The following KIAA0825 variants were observed in gnomAD, a reference collection of about 807,000 sequenced individuals.
KIAA0825 encodes KIAA0825.
KIAA0825 carries 119 observed loss-of-function variants against 147.6 expected under a neutral mutation model. The observed-to-expected ratio is 0.81, with a 90% CI of 0.69 to 0.94. The LOEUF (loss-of-function observed/expected upper bound fraction) is 0.94. Among genes scored for constraint, KIAA0825 ranks in the 40% least tolerant of loss-of-function variants. The pLI, the probability that KIAA0825 is intolerant of heterozygous loss-of-function variation, is 0.00. For synonymous variants in KIAA0825, 470 were observed against 518.1 expected, an observed-to-expected ratio of 0.91 and a Z score of 1.26; for missense variants, 1,381 against 1,472.7, an observed-to-expected ratio of 0.94 and a Z score of 1.02.
At chr5:94,560,661 C>T (rs1047797632) in intron 2 of KIAA0825, among the ~76,000 whole-genome samples, 5 of 152,152 alleles carry the variant, frequency 3.3e-5, no homozygotes, top group African/African-American at 1.2e-4. Flanking sequence ...TAAATGGTCA[C>T]CAAGTTCTTG....
intron 20 of KIAA0825, among the ~76,000 whole-genome samples, chr5:94,291,687 A>G (rs1306549572): frequency 1.3e-5 from 2 of 152,146 alleles, no homozygotes; most frequent in Non-Finnish European, 2.9e-5. Context: ...CATTGAATCT[A>G]TAAATTACTT....
intron 5 of KIAA0825, among the ~76,000 whole-genome samples, chr5:94,497,067 T>C (rs902829875): frequency 2.6e-5 from 4 of 152,148 alleles, no homozygotes; most frequent in African/African-American, 9.7e-5. Context: ...ACTGAACACA[T>C]ACTATATGGT....
chr5:94,402,615 G>C (rs954479391), intron 16 of KIAA0825, among the ~76,000 whole-genome samples: 3 of 151,678 alleles, frequency 2.0e-5, no homozygotes, highest in Non-Finnish European at 4.4e-5. Context: ...TGAAAGAAAG[G>C]CTAGTCCCTT....
At chr5:94,255,308 A>G (rs1240462896) in intron 20 of KIAA0825, among the ~76,000 whole-genome samples, 3 of 151,914 alleles carry the variant, frequency 2.0e-5, no homozygotes, top group Non-Finnish European at 4.4e-5. Flanking sequence ...TTGATGTATT[A>G]TACAAACAAA....
chr5:94,483,989 G>T, intron 6 of KIAA0825, among the ~76,000 whole-genome samples: 1 of 151,298 alleles, frequency 6.6e-6, no homozygotes, highest in African/African-American at 2.4e-5. Flanking sequence ...ACGTAAAGGA[G>T]AACTTTGTAT....
At chr5:94,358,405 A>G (rs1744614409) in intron 20 of KIAA0825, among the ~76,000 whole-genome samples, 1 of 152,248 alleles carries the variant, frequency 6.6e-6, no homozygotes, top group African/African-American at 2.4e-5. Context: ...TTAAGGAAAC[A>G]TGGAAGACAG....
rs1172115920 is a variant in KIAA0825, at chr5:94,395,355, A to G, written c.3296+746T>C. On this transcript the variant is annotated intron_variant, in intron 17 of 20. Transcript: ENST00000682413. ...ATATTTTTAAAGAATGAGGGACAGC[A>G]TGTGTCGGTGTTTTTAAAATGGGCT... is the stretch of plus-strand genomic sequence containing the variant. Among the ~76,000 whole-genome samples, 32 of 152,170 alleles carry G rather than the reference A, an allele frequency of 2.1e-4. 1 individual carries two copies. The highest frequency in any genetic ancestry group is 2.1e-3 in the Admixed American group (32 of 15,282).
chr5:94,293,705 G>T (rs1778006405), intron 20 of KIAA0825, among the ~76,000 whole-genome samples: 1 of 152,160 alleles, frequency 6.6e-6, no homozygotes, highest in East Asian at 1.9e-4. Context: ...AATATTGACA[G>T]TGGGGTGTTA....
intron 2 of KIAA0825, among the ~76,000 whole-genome samples, chr5:94,538,739 G>C (rs1772633598): frequency 6.6e-6 from 1 of 152,214 alleles, no homozygotes; most frequent in Non-Finnish European, 1.5e-5. Flanking sequence ...ACCGTTAAGA[G>C]GTTGTTTTAT....
chr5:94,502,659 T>C (rs1180889845), intron 5 of KIAA0825, among the ~76,000 whole-genome samples: 2 of 152,180 alleles, frequency 1.3e-5, no homozygotes, highest in African/African-American at 2.4e-5. Context: ...TAGAAATGTA[T>C]CACTTTGATT....
intron 1 of KIAA0825, chr5:94,594,789 T>C (rs1784974201): frequency 3.7e-6 from 2 of 539,974 alleles, no homozygotes; most frequent in Middle Eastern, 5.8e-4. Flanking sequence ...AGTCGAATCA[T>C]GATTGTAGTT....
chr5:94,235,725 T>G (rs978028686), intron 20 of KIAA0825, among the ~76,000 whole-genome samples: 1 of 152,212 alleles, frequency 6.6e-6, no homozygotes, highest in East Asian at 1.9e-4. Flanking sequence ...TTGCTTCTTT[T>G]TTTAAGGCTA....
intron 6 of KIAA0825, among the ~76,000 whole-genome samples, chr5:94,483,908 T>G (rs1762759608): frequency 6.6e-6 from 1 of 151,584 alleles, no homozygotes; most frequent in South Asian, 2.1e-4. Flanking sequence ...ACTTGCTTCC[T>G]TCACTTTTTT....
In KIAA0825 at chr5:94,595,434, C is replaced by T. The variant is rs1441452430; in HGVS notation, c.-152-12851G>A. 3.3e-5 allele frequency among the ~76,000 whole-genome samples: 5 copies of T among 152,308 alleles called. No individual in the cohort carries two copies. In the East Asian group the frequency reaches 9.7e-4, roughly 29 times the overall value. Reference sequence around the variant, plus strand: ...CTCCCTTTTAGCCACAGCTGGCATACAGGGCACCAAGTCCCTAGACTGCAC... The same window carrying T: ...CTCCCTTTTAGCCACAGCTGGCATATAGGGCACCAAGTCCCTAGACTGCAC... On this transcript the variant is annotated intron_variant, in intron 1 of 20. Coordinates refer to ENST00000682413, the MANE Select transcript of KIAA0825 (RefSeq NM_001145678.3).
intron 20 of KIAA0825, among the ~76,000 whole-genome samples, chr5:94,242,977 G>A (rs1160993199): frequency 1.3e-5 from 2 of 152,062 alleles, no homozygotes; most frequent in Non-Finnish European, 2.9e-5. Context: ...CTTCAAGTCT[G>A]TTGAGCATTT....
intron 20 of KIAA0825, among the ~76,000 whole-genome samples, chr5:94,350,037 T>C (rs959521657): frequency 6.6e-6 from 1 of 152,076 alleles, no homozygotes; most frequent in Admixed American, 6.5e-5. Context: ...ACTGGCAAGA[T>C]TAACCAAGAA....
At chr5:94,318,561 G>A (rs911973190) in intron 20 of KIAA0825, among the ~76,000 whole-genome samples, 1 of 151,842 alleles carries the variant, frequency 6.6e-6, no homozygotes, top group Non-Finnish European at 1.5e-5. Context: ...AGCCAGACTG[G>A]TTCCACCAAT....
intron 10 of KIAA0825, 51 bp from the exon 11 acceptor site, chr5:94,465,110 C>T (rs1470953518): frequency 4.7e-6 from 7 of 1,493,496 alleles, no homozygotes; most frequent in East Asian, 5.0e-5. Context: ...TCTAAAATGT[C>T]GATTTGCTTC....
chr5:94,196,284 A>G (rs1771122409), intron 20 of KIAA0825, among the ~76,000 whole-genome samples: 1 of 152,146 alleles, frequency 6.6e-6, no homozygotes, highest in African/African-American at 2.4e-5. Flanking sequence ...TACTTCCCAT[A>G]TAACCTTACA....
Sources: gnomAD v4.1 joint callset for allele counts (sites outside exome capture counted in the v4.1 genomes callset) on GRCh38, gnomAD v4.1.1 for gene constraint, MANE v1.5 for transcripts, NCBI Gene and HGNC (gene_info 2026-07-23, HGNC 2026-07-21) for gene names.